Variants in CEP112 observed in about 807,000 individuals in gnomAD.
CEP112 encodes the protein centrosomal protein 112.
A neutral mutation model predicts 153.0 loss-of-function variants in CEP112; 127 were observed. The observed-to-expected ratio is 0.83, with a 90% confidence interval of 0.72 to 0.96. The LOEUF is 0.96. Ranked by LOEUF, CEP112 falls within the 40% of genes least tolerant of loss-of-function variation. CEP112 has a pLI of 0.00. For missense variants in CEP112, 1,089 were observed against 1,101.2 expected (o/e 0.99, Z 0.16); for synonymous variants, 358 against 374.4 (o/e 0.96, Z 0.51).
rs563535877 is a variant in CEP112, at chr17:65,722,723, G to GA, written c.2607+20344dup. On this transcript the variant is annotated intron_variant, in intron 23 of 26. Coordinates refer to ENST00000535342, the MANE Select transcript of CEP112 (RefSeq NM_001199165.4). The stretch of plus-strand genomic sequence containing the variant: ...GAACAGAAGAAGAACGGATGAGAGA[G>GA]AACACGATGTTTGAGAACAGAGTGA... Among the ~76,000 whole-genome samples the GA allele has an allele frequency of 1.8e-4, 28 of 152,338 alleles. No individual in the cohort carries two copies. In the East Asian group the frequency reaches 2.7e-3, roughly 15 times the overall value.
chr17:65,746,165 C>CAAAAAAAAAAAAAAAAAA (rs56361589), intron 22 of CEP112, among the ~76,000 whole-genome samples: 9 of 49,464 alleles, frequency 1.8e-4, no homozygotes, highest in Non-Finnish European at 2.4e-4. Context: ...AACTCCATCT[C>CAAAAAAAAAAAAAAAAAA]AAAAAAAAAA....
chr17:66,100,503 A>G (rs1034278643), intron 6 of CEP112, among the ~76,000 whole-genome samples: 1 of 152,034 alleles, frequency 6.6e-6, no homozygotes, highest in Non-Finnish European at 1.5e-5. Flanking sequence ...AAACCAGGAA[A>G]TAAAACTGAC....
chr17:65,970,971 G>C (rs2062743170), intron 17 of CEP112, among the ~76,000 whole-genome samples: 1 of 150,826 alleles, frequency 6.6e-6, no homozygotes, highest in East Asian at 1.9e-4. Context: ...ATGTTGGCCA[G>C]GCTGATTTTA....
chr17:66,048,085 T>C (rs2066285453), intron 12 of CEP112, among the ~76,000 whole-genome samples: 1 of 148,694 alleles, frequency 6.7e-6, no homozygotes, highest in African/African-American at 2.4e-5. Context: ...TTATTTCTAT[T>C]GTTGTATCAT....
At chr17:65,644,081 G>A (rs2045300904) in intron 24 of CEP112, among the ~76,000 whole-genome samples, 1 of 152,176 alleles carries the variant, frequency 6.6e-6, no homozygotes, top group Non-Finnish European at 1.5e-5. Flanking sequence ...TGACTCCCTT[G>A]AGCCACAGCA....
At position 65,640,301 on chromosome 17, in the gene CEP112, G is replaced by A. The variant is rs1302262716; in HGVS notation, c.2799+663C>T. 4.6e-5 allele frequency among the ~76,000 whole-genome samples: 7 copies of A among 151,482 alleles called. No homozygotes were observed. The East Asian group carries it at 7.8e-4, about 17-fold the overall frequency. ...TCCAAGTAGTTGGGATTACAGGCAC[G>A]GGCCACCACGCCCCGCTAATTTTTG... is the stretch of plus-strand genomic sequence containing the variant. On this transcript the variant is annotated intron_variant, in intron 25 of 26. Transcript: ENST00000535342.
chr17:65,919,098 C>G (rs902681458), intron 19 of CEP112, among the ~76,000 whole-genome samples: 2 of 152,200 alleles, frequency 1.3e-5, no homozygotes, highest in Non-Finnish European at 2.9e-5. Flanking sequence ...ATAGCACCCC[C>G]CTGGGGGATC....
At chr17:66,117,753 G>A (rs7342952) in intron 6 of CEP112, among the ~76,000 whole-genome samples, 6,124 of 152,178 alleles carry the variant, frequency 0.04, 440 homozygotes, top group African/African-American at 0.14. Context: ...GGAGATATTT[G>A]CAAACTAAGT....
intron 23 of CEP112, among the ~76,000 whole-genome samples, chr17:65,733,008 C>A (rs2050597097): frequency 6.6e-6 from 1 of 152,222 alleles, no homozygotes; most frequent in African/African-American, 2.4e-5. Flanking sequence ...GTACAAGAGG[C>A]CTAGCTTTGG....
At chr17:66,066,905 A>G (rs1462229211) in intron 9 of CEP112, 28 bp from the exon 10 acceptor site, 2 of 1,386,350 alleles carry the variant, frequency 1.4e-6, no homozygotes, top group Admixed American at 2.5e-5. Flanking sequence ...ATATTTCAGT[A>G]TATTGTACTA....
chr17:66,038,100 C>CAAAAAAAAAAA (rs5821553), intron 12 of CEP112, among the ~76,000 whole-genome samples: 1 of 105,400 alleles, frequency 9.5e-6, no homozygotes, highest in Non-Finnish European at 1.9e-5. Context: ...GACTCTGTCT[C>CAAAAAAAAAAA]AAAAAAAAAA....
intron 21 of CEP112, chr17:65,751,023 A>G (rs1009930526): frequency 2.2e-5 from 6 of 266,970 alleles, no homozygotes; most frequent in African/African-American, 1.3e-4. Context: ...CTCAGAAGGT[A>G]AAGTAAGGGA....
At chr17:65,836,714 A>C (rs2146176991) in intron 21 of CEP112, among the ~76,000 whole-genome samples, 1 of 152,314 alleles carries the variant, frequency 6.6e-6, no homozygotes, top group East Asian at 1.9e-4. Flanking sequence ...TTCAGAATGG[A>C]CACATAATCC....
Position 66,132,659 on chromosome 17 carries a change from T to C in CEP112, c.564+11A>G, listed in dbSNP as rs200630235. ...AAGCAAAAACCAAACAAAAGTAAAA[T>C]CTAATCTTACACAAATCTTTGGGGT... is the stretch of plus-strand genomic sequence containing the variant. On this transcript the variant is annotated intron_variant, in intron 5 of 26. Coordinates refer to ENST00000535342, the MANE Select transcript of CEP112 (RefSeq NM_001199165.4). The C allele has an allele frequency of 2.1e-4, 335 of 1,591,782 alleles. 5 individuals are homozygous for C. In the South Asian group the frequency reaches 2.2e-3, roughly 10 times the overall value.
At chr17:66,152,343 A>T (rs913242968) in intron 4 of CEP112, among the ~76,000 whole-genome samples, 3 of 152,228 alleles carry the variant, frequency 2.0e-5, no homozygotes, top group African/African-American at 4.8e-5. Context: ...ATTAGAAAAT[A>T]TGCTTGAGGA....
chr17:65,945,032 A>G (rs925469055), intron 18 of CEP112, among the ~76,000 whole-genome samples: 1 of 152,236 alleles, frequency 6.6e-6, no homozygotes, highest in Non-Finnish European at 1.5e-5. Context: ...ACTCAGGTCA[A>G]TAAATTGTAT....
At chr17:65,733,980 T>C (rs2050657411) in intron 23 of CEP112, among the ~76,000 whole-genome samples, 1 of 152,358 alleles carries the variant, frequency 6.6e-6, no homozygotes, top group Admixed American at 6.5e-5. Context: ...TGGGTACTTA[T>C]AATCTCTACT....
intron 18 of CEP112, among the ~76,000 whole-genome samples, chr17:65,958,937 C>A (rs1459667838): frequency 6.6e-6 from 1 of 152,134 alleles, no homozygotes; most frequent in East Asian, 1.9e-4. Context: ...CCAGGCTCAG[C>A]CAGAGAAGAG....
intron 19 of CEP112, among the ~76,000 whole-genome samples, chr17:65,904,015 T>C (rs1305427056): frequency 3.9e-5 from 6 of 152,158 alleles, no homozygotes; most frequent in Non-Finnish European, 8.8e-5. Flanking sequence ...TCATACTGAA[T>C]GGGCAAAAGC....
Sources: allele counts gnomAD v4.1 joint callset (sites outside exome capture counted in the v4.1 genomes callset), GRCh38; gene constraint gnomAD v4.1.1; transcripts MANE v1.5; gene names NCBI Gene and HGNC (gene_info 2026-07-23, HGNC 2026-07-21).